Variants in PUDP observed in about 807,000 individuals in gnomAD.
The protein encoded by PUDP is pseudouridine-5'-phosphatase.
In PUDP, 8 loss-of-function variants were observed where a neutral mutation model predicts 9.4. The observed-to-expected ratio is 0.85, with a 90% CI of 0.50 to 1.53. The LOEUF is 1.53. Among genes scored for constraint, PUDP ranks in the 40% most tolerant of loss-of-function variants. The probability of loss-of-function intolerance (pLI) is 0.00; values close to 1 mark genes in which losing one functional copy is unlikely to be tolerated. For missense variants in PUDP, 188 were observed against 189.7 expected, an observed-to-expected ratio of 0.99 and a Z score of 0.05; for synonymous variants, 99 against 80.7, an observed-to-expected ratio of 1.23 and a Z score of -1.22.
chrX:6,984,457 G>C (rs893161483), intron 1 of PUDP, among the ~76,000 whole-genome samples: 1 of 111,896 alleles, frequency 8.9e-6, no homozygotes, highest in Admixed American at 9.5e-5. Context: ...GAAAAATATA[G>C]AGTGCCATAA....
rs774593340 is a variant in PUDP at position 7,103,565 on chromosome X, T to C, written c.280+2055A>G. 3.6e-5 allele frequency among the ~76,000 whole-genome samples: 4 copies of C among 112,357 alleles called. No homozygotes were observed. In the Admixed American group the frequency reaches 3.7e-4, roughly 11 times the overall value. On this transcript the variant is annotated intron_variant, in intron 2 of 3. Coordinates refer to ENST00000381077, the MANE Select transcript of PUDP (RefSeq NM_012080.5). ...AAAATTAGACAAATGAGATGACATA[T>C]GTCAAATTCATCTAATCAAAAACTT...
intron 1 of PUDP, among the ~76,000 whole-genome samples, chrX:7,142,510 G>T (rs967940129): frequency 1.3e-4 from 15 of 111,898 alleles, no homozygotes; most frequent in African/African-American, 3.9e-4. Flanking sequence ...AAAAGAAAGT[G>T]GTTTCTGGAG....
chrX:7,052,996 C>A (rs5978833), intron 3 of PUDP, among the ~76,000 whole-genome samples: 1,572 of 112,249 alleles, frequency 0.014, 26 homozygotes, highest in African/African-American at 0.048. Flanking sequence ...TCTGCCCTTG[C>A]CTTTTTAAAA....
intron 1 of PUDP, among the ~76,000 whole-genome samples, chrX:7,130,714 C>A (rs1199656832): frequency 9.1e-6 from 1 of 110,233 alleles, no homozygotes; most frequent in Non-Finnish European, 1.9e-5. Context: ...GGCAAAACCC[C>A]GTCTCTACTA....
Position 7,077,299 on chromosome X carries a change from T to G in PUDP, c.431A>C (p.Glu144Ala). 8.3e-7 allele frequency: 1 copy of G among 1,209,376 alleles called. No individual in the cohort carries two copies. The highest frequency in any genetic ancestry group is 1.1e-6 in the Non-Finnish European group (1 of 894,487). Residue 144 changes from glutamate (E) to alanine (A), a missense_variant, in exon 3 of 4, where the codon GAA (glutamate) becomes GCA (alanine). Coordinates refer to ENST00000381077, the MANE Select transcript of PUDP (RefSeq NM_012080.5). ...FSHIVLGDDP[E>A]VQHGKPDPDI... ...CGGGTCTGGCTTGCCATGCTGCACT[T>G]CGGGGTCATCTCCCAGCACAATGTG...
At chrX:6,776,994 A>G (rs763786503) in intron 3 of PUDP, among the ~76,000 whole-genome samples, 1 of 112,412 alleles carries the variant, frequency 8.9e-6, no homozygotes, top group East Asian at 2.8e-4. Context: ...TGTGTTGGCC[A>G]CTTCATTGGA....
At chrX:7,104,558 G>A (rs936408131) in intron 2 of PUDP, among the ~76,000 whole-genome samples, 1 of 112,029 alleles carries the variant, frequency 8.9e-6, no homozygotes, top group Non-Finnish European at 1.9e-5. Flanking sequence ...GTGTGTGTCT[G>A]TGTCCTACCA....
Position 6,950,811 on chromosome X carries a change from G to A in PUDP, c.*247+26322C>T, listed in dbSNP as rs1602687381. Among the ~76,000 whole-genome samples the A allele has an allele frequency of 5.3e-5, 6 of 112,197 alleles. No homozygotes were observed. In the Admixed American group the frequency reaches 5.7e-4, roughly 11 times the overall value. Reference sequence around the variant, plus strand: ...GTGTCCCGTAAATAGGTAGGCTTAGGAAAGCAGATGGCCCACTCTACTGTG... The same window carrying A: ...GTGTCCCGTAAATAGGTAGGCTTAGAAAAGCAGATGGCCCACTCTACTGTG... On this transcript the variant is annotated intron_variant and NMD_transcript_variant, in intron 3 of 3. Coordinates refer to the PUDP transcript ENST00000655425.
Position 6,765,005 on chromosome X carries a change from G to A in PUDP, c.*248-58539C>T, listed in dbSNP as rs759576123. 1.0e-4 allele frequency among the ~76,000 whole-genome samples: 11 copies of A among 110,328 alleles called. No individual in the cohort carries two copies. In the South Asian group the frequency reaches 2.8e-3, roughly 28 times the overall value. On this transcript the variant is annotated intron_variant and NMD_transcript_variant, in intron 3 of 3. Transcript: ENST00000655425. ...AATATGGGTAGGTGTGGTGGCTTAC[G>A]TCTGTAATCCCAGCAATTTGGGAGG...
chrX:6,772,723 G>A (rs1359343414), intron 3 of PUDP, among the ~76,000 whole-genome samples: 1 of 109,187 alleles, frequency 9.2e-6, no homozygotes, highest in Non-Finnish European at 1.9e-5. Flanking sequence ...TTGAGCCAAG[G>A]AGTTCAAGAC....
At chrX:6,993,285 G>A (rs1023236957) in intron 1 of PUDP, among the ~76,000 whole-genome samples, 2 of 111,860 alleles carry the variant, frequency 1.8e-5, no homozygotes, top group African/African-American at 6.5e-5. Flanking sequence ...TGAATCCTTA[G>A]GTCTGTGAAA....
chrX:6,975,606 C>T (rs190360628), intron 3 of PUDP, among the ~76,000 whole-genome samples: 25 of 111,265 alleles, frequency 2.2e-4, no homozygotes, highest in African/African-American at 5.2e-4. Context: ...GAGGGGCACC[C>T]GCCAGATGCC....
intron 3 of PUDP, among the ~76,000 whole-genome samples, chrX:6,897,459 T>G (rs1225126444): frequency 9.0e-6 from 1 of 111,007 alleles, no homozygotes; most frequent in East Asian, 2.8e-4. Flanking sequence ...CAACATTCAT[T>G]TTTCTCTTGT....
chrX:6,804,837 T>C (rs1415737942), intron 3 of PUDP, among the ~76,000 whole-genome samples: 2 of 111,958 alleles, frequency 1.8e-5, no homozygotes, highest in Non-Finnish European at 3.8e-5. Context: ...GTCCTCCCAG[T>C]TCAGAGAGGA....
At chrX:6,931,656 C>T (rs1928192658) in intron 3 of PUDP, among the ~76,000 whole-genome samples, 1 of 111,728 alleles carries the variant, frequency 9.0e-6, no homozygotes, top group Non-Finnish European at 1.9e-5. Flanking sequence ...TAAGGAGCAG[C>T]GCTCCTGTGT....
At chrX:7,084,401 G>C (rs967893245) in intron 2 of PUDP, among the ~76,000 whole-genome samples, 1 of 112,154 alleles carries the variant, frequency 8.9e-6, no homozygotes, top group Non-Finnish European at 1.9e-5. Flanking sequence ...GCAGTGGTGG[G>C]GGCAGGAATC....
At chrX:6,978,159 C>T (rs778086315) in intron 2 of PUDP, among the ~76,000 whole-genome samples, 16 of 112,293 alleles carry the variant, frequency 1.4e-4, no homozygotes, top group African/African-American at 5.2e-4. Flanking sequence ...TAACACAGAA[C>T]CTTACCATAA....
intron 1 of PUDP, among the ~76,000 whole-genome samples, chrX:6,983,090 T>G (rs1158935975): frequency 8.9e-6 from 1 of 112,314 alleles, no homozygotes; most frequent in African/African-American, 3.2e-5. Context: ...CAAAAGGTCA[T>G]GTAACTGCCC....
intron 3 of PUDP, among the ~76,000 whole-genome samples, chrX:6,751,598 C>A (rs747864768): frequency 9.0e-6 from 1 of 111,355 alleles, no homozygotes; most frequent in Non-Finnish European, 1.9e-5. Flanking sequence ...TAAGGAGAAT[C>A]TCTTGGAAGG....
Sources: gnomAD v4.1 joint callset for allele counts (sites outside exome capture counted in the v4.1 genomes callset) on GRCh38, gnomAD v4.1.1 for gene constraint, MANE v1.5 for transcripts, NCBI Gene and HGNC (gene_info 2026-07-23, HGNC 2026-07-21) for gene names.